COBL: variants seen among roughly 807,000 people sequenced by gnomAD.
The protein encoded by COBL is protein cordon-bleu.
COBL carries 51 observed loss-of-function variants against 98.8 expected under a neutral mutation model. The ratio of observed to expected loss-of-function variants is 0.52; its 90% CI spans 0.41 to 0.65. COBL has a LOEUF of 0.65. Among genes scored for constraint, COBL ranks in the 30% least tolerant of loss-of-function variants. The probability of loss-of-function intolerance (pLI) is 0.00; values close to 1 mark genes in which losing one functional copy is unlikely to be tolerated. For synonymous variants in COBL, 634 were observed against 651.7 expected (o/e 0.97, Z 0.41); for missense variants, 1,617 against 1,617.5 (o/e 1.00, Z 0.01).
chr7:51,245,872 G>A (rs1275262878), intron 1 of COBL, among the ~76,000 whole-genome samples: 2 of 152,172 alleles, frequency 1.3e-5, no homozygotes, highest in Non-Finnish European at 2.9e-5. Flanking sequence ...ATCAAATTAT[G>A]CAAAACAAAG....
At chr7:51,263,101 T>C (rs1348808400) in intron 1 of COBL, among the ~76,000 whole-genome samples, 7 of 152,158 alleles carry the variant, frequency 4.6e-5, no homozygotes, top group Non-Finnish European at 8.8e-5. Flanking sequence ...TAATACAAAG[T>C]GGTGGTGTGT....
At chr7:51,110,540 C>T (rs1796729849) in intron 6 of COBL, among the ~76,000 whole-genome samples, 1 of 152,094 alleles carries the variant, frequency 6.6e-6, no homozygotes, top group African/African-American at 2.4e-5. Flanking sequence ...GATTCCATAT[C>T]TTTATTTTAT....
At chr7:51,215,735 C>T (rs1198409884) in intron 2 of COBL, among the ~76,000 whole-genome samples, 1 of 152,254 alleles carries the variant, frequency 6.6e-6, no homozygotes, top group Non-Finnish European at 1.5e-5. Flanking sequence ...CAGGACCTCA[C>T]ATCCAAGAGT....
chr7:51,151,731 T>A (rs1338365926), intron 5 of COBL, among the ~76,000 whole-genome samples: 1 of 152,166 alleles, frequency 6.6e-6, no homozygotes, highest in East Asian at 1.9e-4. Context: ...TGAAAAACAA[T>A]CATACCAGCA....
chr7:51,028,617 T>G lies in COBL; in HGVS notation c.2479A>C (p.Asn827His). The change falls in exon 10 of 13, where the codon AAC becomes CAC. Residue 827 changes from asparagine to histidine, a missense_variant. Around this residue, in one of 3 missense-constraint regions of COBL, gnomAD observed 1,304 missense variants for 1,282.0 expected, o/e 1.02. Coordinates refer to ENST00000265136, the MANE Select transcript of COBL (RefSeq NM_015198.5). Reference sequence around the variant, plus strand: ...TGGTTTCTCCCCTCCCCTAGGGGGTTCCGGCCCTCATGGTGGGCAGACTTC... The same window carrying G: ...TGGTTTCTCCCCTCCCCTAGGGGGTGCCGGCCCTCATGGTGGGCAGACTTC... ...QQKSAHHEGR[N>H]PLGEGRNQPP... 6.2e-7 allele frequency: 1 copy of G among 1,613,790 alleles called. No homozygotes were observed. The highest frequency in any genetic ancestry group is 8.5e-7 in the Non-Finnish European group (1 of 1,179,808).
intron 6 of COBL, among the ~76,000 whole-genome samples, chr7:51,123,802 C>T (rs1797955175): frequency 6.6e-6 from 1 of 152,160 alleles, no homozygotes; most frequent in African/African-American, 2.4e-5. Flanking sequence ...CATTGCAGTG[C>T]TACGCCATGT....
intron 7 of COBL, among the ~76,000 whole-genome samples, chr7:51,069,197 T>A (rs958610032): frequency 6.6e-6 from 1 of 152,106 alleles, no homozygotes; most frequent in African/African-American, 2.4e-5. Context: ...GAGAAATGAT[T>A]GAGAGAGAAG....
chr7:51,168,851 A>G (rs1196873051), intron 5 of COBL, among the ~76,000 whole-genome samples: 1 of 152,230 alleles, frequency 6.6e-6, no homozygotes, highest in African/African-American at 2.4e-5. Context: ...CACAATAGCT[A>G]AGACCTAAGT....
intron 5 of COBL, among the ~76,000 whole-genome samples, chr7:51,151,849 C>T (rs1255478659): frequency 6.6e-6 from 1 of 152,246 alleles, no homozygotes; most frequent in Non-Finnish European, 1.5e-5. Flanking sequence ...AGACACACAG[C>T]GTCCTCCTGG....
intron 4 of COBL, among the ~76,000 whole-genome samples, chr7:51,187,073 T>C (rs1243544991): frequency 6.6e-6 from 1 of 152,118 alleles, no homozygotes; most frequent in Non-Finnish European, 1.5e-5. Flanking sequence ...CAAGAAAGTT[T>C]TACTTTCTGA....
At chr7:51,073,470 C>G in intron 7 of COBL, 1 of 582,754 alleles carries the variant, frequency 1.7e-6, no homozygotes, top group Non-Finnish European at 3.2e-6. Flanking sequence ...TTTCCAGCCC[C>G]TGGAGATTTA....
At chr7:51,089,025 G>A (rs1470315139) in intron 6 of COBL, among the ~76,000 whole-genome samples, 1 of 152,110 alleles carries the variant, frequency 6.6e-6, no homozygotes, top group Non-Finnish European at 1.5e-5. Flanking sequence ...GGCAGGCAGG[G>A]GTATGGAGAT....
At chr7:51,025,645 T>G (rs1787478019) in intron 11 of COBL, among the ~76,000 whole-genome samples, 1 of 152,216 alleles carries the variant, frequency 6.6e-6, no homozygotes, top group South Asian at 2.1e-4. Context: ...TGCTGGTGCC[T>G]TGATCTTAGA....
chr7:51,049,147 T>C (rs1789999092), intron 7 of COBL, among the ~76,000 whole-genome samples: 1 of 152,222 alleles, frequency 6.6e-6, no homozygotes, highest in African/African-American at 2.4e-5. Flanking sequence ...CCTTTGTCAA[T>C]TTGGTTGGAA....
intron 2 of COBL, among the ~76,000 whole-genome samples, chr7:51,200,589 A>G (rs1198284111): frequency 6.6e-6 from 1 of 152,206 alleles, no homozygotes; most frequent in Non-Finnish European, 1.5e-5. Flanking sequence ...TATTCAGTGT[A>G]AACTCTATGG....
At chr7:51,253,483 C>G (rs1382287823) in intron 1 of COBL, among the ~76,000 whole-genome samples, 1 of 152,160 alleles carries the variant, frequency 6.6e-6, no homozygotes, top group Admixed American at 6.5e-5. Context: ...TCAGCCATTT[C>G]TCCAAGGATC....
At chr7:51,144,041 G>A (rs1450761947) in intron 5 of COBL, among the ~76,000 whole-genome samples, 1 of 152,182 alleles carries the variant, frequency 6.6e-6, no homozygotes, top group Non-Finnish European at 1.5e-5. Flanking sequence ...TCTAAAGTAA[G>A]CCTAATGGGA....
At chr7:51,234,263 A>C (rs1795027088) in intron 1 of COBL, among the ~76,000 whole-genome samples, 1 of 152,230 alleles carries the variant, frequency 6.6e-6, no homozygotes, top group South Asian at 2.1e-4. Flanking sequence ...TGGCTCTGAC[A>C]GGCACTGCTG....
At chr7:51,192,250 T>G (rs1387358056) in intron 3 of COBL, among the ~76,000 whole-genome samples, 1 of 152,220 alleles carries the variant, frequency 6.6e-6, no homozygotes, top group African/African-American at 2.4e-5. Context: ...GAAGGTCTGC[T>G]AAGAATATGA....
Sources: allele counts gnomAD v4.1 joint callset (sites outside exome capture counted in the v4.1 genomes callset), GRCh38; gene constraint gnomAD v4.1.1; regional missense constraint gnomAD v4.1.1; transcripts MANE v1.5; gene names NCBI Gene and HGNC (gene_info 2026-07-23, HGNC 2026-07-21).